The following SGK3 variants were observed in gnomAD, a reference collection of about 807,000 sequenced individuals.
The protein encoded by SGK3 is serum/glucocorticoid regulated kinase family member 3, also known as serine/threonine-protein kinase Sgk3.
A neutral mutation model predicts 68.5 loss-of-function variants in SGK3; 47 were observed. That is an observed-to-expected ratio of 0.69 (90% CI 0.54 to 0.87). SGK3 has a LOEUF of 0.87. Ranked by LOEUF, SGK3 falls within the 40% of genes least tolerant of loss-of-function variation. The probability of loss-of-function intolerance (pLI) is 0.00; values close to 1 mark genes in which losing one functional copy is unlikely to be tolerated. For missense variants in SGK3, 479 were observed against 575.5 expected, an observed-to-expected ratio of 0.83 and a Z score of 1.72; for synonymous variants, 181 against 189.1, an observed-to-expected ratio of 0.96 and a Z score of 0.35.
rs562749653 is a variant in SGK3, at chr8:66,830,367, A to G, written c.468-887A>G. ...TTTTGAAGAAGAAAAACATCTAAAT[A>G]TAGTTAAGTGTTTATCTCACTAGTC... On this transcript the variant is annotated intron_variant, in intron 7 of 16. Coordinates refer to ENST00000521198, the MANE Select transcript of SGK3 (RefSeq NM_001033578.3). 2.6e-5 allele frequency among the ~76,000 whole-genome samples: 4 copies of G among 152,374 alleles called. No individual in the cohort carries two copies. The East Asian group carries it at 7.7e-4, about 29-fold the overall frequency.
intron 5 of SGK3, among the ~76,000 whole-genome samples, chr8:66,815,832 A>G (rs1420916942): frequency 1.3e-5 from 2 of 152,184 alleles, no homozygotes; most frequent in African/African-American, 4.8e-5. Context: ...ACTAAAAGCA[A>G]TTGGATTATT....
At chr8:66,716,092 T>C (rs1804623329) in intron 1 of SGK3, among the ~76,000 whole-genome samples, 1 of 152,224 alleles carries the variant, frequency 6.6e-6, no homozygotes, top group Non-Finnish European at 1.5e-5. Flanking sequence ...TAACATGTTA[T>C]TCCTGACAGA....
chr8:66,808,174 A>G (rs1204551264), intron 4 of SGK3, among the ~76,000 whole-genome samples: 5 of 152,230 alleles, frequency 3.3e-5, no homozygotes, highest in African/African-American at 4.8e-5. Context: ...AATTTTGTTC[A>G]TACCTTTGAC....
At chr8:66,824,401 T>A (rs1296572121) in intron 6 of SGK3, among the ~76,000 whole-genome samples, 2 of 152,084 alleles carry the variant, frequency 1.3e-5, no homozygotes, top group African/African-American at 2.4e-5. Context: ...GAGGAAAATG[T>A]TGAACGTTGA....
chr8:66,793,335 C>A (rs1191537702), intron 1 of SGK3, among the ~76,000 whole-genome samples: 1 of 152,178 alleles, frequency 6.6e-6, no homozygotes, highest in Non-Finnish European at 1.5e-5. Context: ...TGGTTACCTC[C>A]AACTAGATCT....
intron 8 of SGK3, among the ~76,000 whole-genome samples, chr8:66,834,550 T>C (rs1201530708): frequency 6.6e-6 from 1 of 152,180 alleles, no homozygotes; most frequent in African/African-American, 2.4e-5. Context: ...AGCAATTTAT[T>C]GAGCTGTAGT....
chr8:66,859,570 T>C lies in SGK3; in HGVS notation c.1480T>C (p.Leu494=). The C allele has an allele frequency of 6.2e-7, 1 of 1,608,700 alleles. No individual in the cohort carries two copies. The highest frequency in any genetic ancestry group is 8.5e-7 in the Non-Finnish European group (1 of 1,176,450). The change falls in exon 17 of 17, where the codon TTA becomes CTA. Residue 494 remains leucine, a synonymous_variant. Coordinates refer to ENST00000521198, the MANE Select transcript of SGK3 (RefSeq NM_001033578.3). ...CTCTTATGCACCTCCTTCAGAAGAC[T>C]TATTTTTGTGAGCAGTTTGCCATTC... ...GFSYAPPSED[L]FL
In SGK3 at chr8:66,860,020, G is replaced by T. The variant is rs1018175728; in HGVS notation, c.*439G>T. The T allele has an allele frequency of 2.6e-5, 4 of 153,488 alleles. No individual in the cohort carries two copies. Among genetic ancestry groups the T allele is most frequent in the African/African-American group, 9.6e-5 (4 of 41,456 alleles). 9.5% of individuals were successfully genotyped at this position (153,488 alleles called of 1,614,324 possible). A position where few individuals can be genotyped will look rare whatever the true frequency, so the allele number is the denominator to read the frequency against. On this transcript the variant is annotated 3_prime_UTR_variant, in exon 17 of 17. Coordinates refer to ENST00000521198, the MANE Select transcript of SGK3 (RefSeq NM_001033578.3). ...ACCAAAACTATGCAATTGGTACATG[G>T]TTGTTTAAGAAGAAACCGTATTTTT...
intron 12 of SGK3, 36 bp from the exon 13 acceptor site, chr8:66,840,988 T>C (rs1305656549): frequency 1.8e-5 from 26 of 1,443,238 alleles, no homozygotes; most frequent in Non-Finnish European, 2.4e-5. Flanking sequence ...TTCATATTTA[T>C]GCATTGTTTT....
chr8:66,809,459 A>C (rs1808293459), intron 4 of SGK3, among the ~76,000 whole-genome samples: 1 of 152,176 alleles, frequency 6.6e-6, no homozygotes, highest in Non-Finnish European at 1.5e-5. Flanking sequence ...CACTGAGCAA[A>C]GATTAGACAG....
intron 1 of SGK3, among the ~76,000 whole-genome samples, chr8:66,719,220 T>A (rs1392327335): frequency 6.6e-6 from 1 of 152,244 alleles, no homozygotes; most frequent in African/African-American, 2.4e-5. Context: ...ACTTTTTTCA[T>A]GCTTACATAA....
chr8:66,732,355 G>T (rs984185383), intron 1 of SGK3, among the ~76,000 whole-genome samples: 4 of 152,090 alleles, frequency 2.6e-5, no homozygotes, highest in Non-Finnish European at 2.9e-5. Flanking sequence ...GGGCATGCTG[G>T]TGTGTACCTG....
rs577468653 is a variant in SGK3, at chr8:66,810,561, C to T, written c.254-3292C>T. Among the ~76,000 whole-genome samples, 7 of 152,140 alleles carry T rather than the reference C, an allele frequency of 4.6e-5. No homozygotes were observed. The East Asian group carries it at 9.7e-4, about 21-fold the overall frequency. On this transcript the variant is annotated intron_variant, in intron 4 of 16. Transcript: ENST00000521198. Reference sequence around the variant, plus strand: ...ACTAAAAATACAAAAATTAGCCAGGCGTGGTGGCATACACCTGTAATCCCG... The same window carrying T: ...ACTAAAAATACAAAAATTAGCCAGGTGTGGTGGCATACACCTGTAATCCCG...
chr8:66,805,677 T>C (rs1322643872), intron 4 of SGK3, among the ~76,000 whole-genome samples: 1 of 152,212 alleles, frequency 6.6e-6, no homozygotes, highest in Non-Finnish European at 1.5e-5. Context: ...CACAGATGGC[T>C]ACTTACAGGG....
rs549838481 is a variant in SGK3 at position 66,847,915 on chromosome 8, A to G, written c.1230+567A>G. Among the ~76,000 whole-genome samples, 4 of 147,162 alleles carry G rather than the reference A, an allele frequency of 2.7e-5. No homozygotes were observed. In the South Asian group the frequency reaches 8.5e-4, roughly 31 times the overall value. ...AATTTGGTGAGACCTCCTTGAGATA[A>G]TTAGGGAATCTGCATGTTTGTTTCA... On this transcript the variant is annotated intron_variant, in intron 15 of 16. Transcript: ENST00000521198.
intron 4 of SGK3, among the ~76,000 whole-genome samples, chr8:66,807,191 G>C (rs1808203828): frequency 6.6e-6 from 1 of 152,186 alleles, no homozygotes; most frequent in Admixed American, 6.6e-5. Flanking sequence ...AACACATATA[G>C]AGAAGAGGAG....
intron 1 of SGK3, among the ~76,000 whole-genome samples, chr8:66,784,673 T>A (rs1807127192): frequency 6.6e-6 from 1 of 151,902 alleles, no homozygotes; most frequent in South Asian, 2.1e-4. Context: ...ACAAAAAAAA[T>A]GGATACAATG....
chr8:66,758,428 T>A (rs981167900), intron 1 of SGK3, among the ~76,000 whole-genome samples: 2 of 152,200 alleles, frequency 1.3e-5, no homozygotes, highest in Non-Finnish European at 2.9e-5. Flanking sequence ...TAGCATTATA[T>A]TATTTGTTTG....
At chr8:66,758,124 C>T (rs1472572877) in intron 1 of SGK3, among the ~76,000 whole-genome samples, 40 of 151,316 alleles carry the variant, frequency 2.6e-4, no homozygotes, top group Non-Finnish European at 2.4e-4. Context: ...GAGGCCAAGG[C>T]GGGTGGATCA....
Sources: gnomAD v4.1 joint callset for allele counts (sites outside exome capture counted in the v4.1 genomes callset) on GRCh38, gnomAD v4.1.1 for gene constraint, MANE v1.5 for transcripts, NCBI Gene and HGNC (gene_info 2026-07-23, HGNC 2026-07-21) for gene names.